Variants in FRMD4A observed in about 807,000 individuals in gnomAD.
The protein encoded by FRMD4A is FERM domain-containing protein 4A.
Under a neutral mutation model 129.1 loss-of-function variants are expected in FRMD4A, and 29 were observed. That is an observed-to-expected ratio of 0.22 (90% CI 0.17 to 0.31). FRMD4A has a LOEUF of 0.31. Ranked by LOEUF, FRMD4A falls within the 10% of genes least tolerant of loss-of-function variation. FRMD4A has a pLI of 1.00. For missense variants in FRMD4A, 1,272 were observed against 1,375.8 expected, an observed-to-expected ratio of 0.92 and a Z score of 1.19; for synonymous variants, 634 against 571.6, an observed-to-expected ratio of 1.11 and a Z score of -1.56.
intron 3 of FRMD4A, among the ~76,000 whole-genome samples, chr10:13,853,251 G>A (rs2094163673): frequency 1.3e-5 from 2 of 152,186 alleles, no homozygotes; most frequent in African/African-American, 4.8e-5. Context: ...AAGGGAAGAA[G>A]GGCCGGGCGT....
intron 2 of FRMD4A, among the ~76,000 whole-genome samples, chr10:14,022,110 A>G (rs1195687027): frequency 1.3e-5 from 2 of 152,198 alleles, no homozygotes; most frequent in Non-Finnish European, 2.9e-5. Context: ...TGCCTTTTGG[A>G]TCTCAGGATC....
At chr10:14,177,020 T>C (rs1841753282) in intron 2 of FRMD4A, among the ~76,000 whole-genome samples, 1 of 152,194 alleles carries the variant, frequency 6.6e-6, no homozygotes, top group Admixed American at 6.5e-5. Context: ...CTTCAATAAC[T>C]AGAATAAGCT....
chr10:14,095,453 C>T (rs114855922), intron 2 of FRMD4A, among the ~76,000 whole-genome samples: 95 of 152,234 alleles, frequency 6.2e-4, no homozygotes, highest in African/African-American at 2.1e-3. Flanking sequence ...TTACAGTTGT[C>T]GATTGAATTG....
At chr10:14,236,372 T>C (rs76199312) in intron 2 of FRMD4A, among the ~76,000 whole-genome samples, 9,249 of 152,160 alleles carry the variant, frequency 0.061, 347 homozygotes, top group Non-Finnish European at 0.083. Context: ...GAAGAACTCA[T>C]TGAACTGGGA....
At position 13,982,501 on chromosome 10, in the gene FRMD4A, G is replaced by GA. The variant is rs1220309154; in HGVS notation, c.46-123590_46-123589insT. ...GAGGGGAGGGGAGGGGAGGGGAGGG[G>GA]GGGGAAGGGATCCTCTGACCTACCT... On this transcript the variant is annotated intron_variant, in intron 2 of 24. Coordinates refer to ENST00000357447, the MANE Select transcript of FRMD4A (RefSeq NM_018027.5). Among the ~76,000 whole-genome samples the GA allele has an allele frequency of 1.2e-3, 149 of 120,464 alleles. 7 individuals carry two copies. Among genetic ancestry groups the GA allele is most frequent in the African/African-American group, 4.5e-3 (125 of 27,700 alleles). The allele number at this position is 120,464 out of a possible 152,430, so 79.0% of individuals were successfully genotyped here. A position where few individuals can be genotyped will look rare whatever the true frequency, so the allele number is the denominator to read the frequency against.
chr10:14,185,482 T>G (rs538214953), intron 2 of FRMD4A, among the ~76,000 whole-genome samples: 141 of 152,336 alleles, frequency 9.3e-4, no homozygotes, highest in African/African-American at 3.3e-3. Flanking sequence ...TTACAACATT[T>G]TGTAATTTTT....
At chr10:14,067,969 A>C (rs1198617514) in intron 2 of FRMD4A, among the ~76,000 whole-genome samples, 1 of 152,248 alleles carries the variant, frequency 6.6e-6, no homozygotes, top group Non-Finnish European at 1.5e-5. Flanking sequence ...GCATAGTAAG[A>C]CAACTAGCAC....
chr10:13,943,646 C>CAAAAAAAAAAAAAAAAAAAAA (rs55774636), intron 2 of FRMD4A, among the ~76,000 whole-genome samples: 10 of 58,264 alleles, frequency 1.7e-4, no homozygotes, highest in South Asian at 1.1e-3. Context: ...GACTCTGTCT[C>CAAAAAAAAAAAAAAAAAAAAA]AAAAAAAAAA....
chr10:14,220,368 C>T (rs556821763), intron 2 of FRMD4A, among the ~76,000 whole-genome samples: 17 of 152,098 alleles, frequency 1.1e-4, no homozygotes, highest in African/African-American at 1.9e-4. Flanking sequence ...TAAAATTGGC[C>T]GTCAACATAA....
intron 2 of FRMD4A, among the ~76,000 whole-genome samples, chr10:14,245,035 T>C (rs1844183264): frequency 6.6e-6 from 1 of 152,238 alleles, no homozygotes; most frequent in Non-Finnish European, 1.5e-5. Context: ...TTACATCCCT[T>C]GAATATGGAA....
chr10:13,707,889 G>A, intron 12 of FRMD4A: 8 of 985,248 alleles, frequency 8.1e-6, no homozygotes, highest in Non-Finnish European at 9.6e-6. Flanking sequence ...CAGTGAGCTC[G>A]TTAACTGAGA....
chr10:14,180,602 C>T (rs946149006), intron 2 of FRMD4A, among the ~76,000 whole-genome samples: 1 of 152,190 alleles, frequency 6.6e-6, no homozygotes, highest in Non-Finnish European at 1.5e-5. Flanking sequence ...CTACAGTCTT[C>T]TGAAAAACCA....
At chr10:14,283,967 AC>A (rs1161095901) in intron 2 of FRMD4A, among the ~76,000 whole-genome samples, 4 of 151,816 alleles carry the variant, frequency 2.6e-5, no homozygotes, top group South Asian at 4.2e-4. Flanking sequence ...GGAAATCGAT[AC>A]TTGAAGAGGT....
intron 2 of FRMD4A, among the ~76,000 whole-genome samples, chr10:13,936,866 G>A (rs904148644): frequency 6.6e-6 from 1 of 152,140 alleles, no homozygotes; most frequent in African/African-American, 2.4e-5. Context: ...TCCTCATTTT[G>A]TTACACTTTC....
At chr10:14,116,550 G>C (rs1268673193) in intron 2 of FRMD4A, among the ~76,000 whole-genome samples, 2 of 152,150 alleles carry the variant, frequency 1.3e-5, no homozygotes, top group African/African-American at 4.8e-5. Context: ...CAGCTGAGAT[G>C]GCCATAGGGG....
At chr10:13,752,733 C>T (rs4130144) in intron 8 of FRMD4A, among the ~76,000 whole-genome samples, 5,625 of 152,218 alleles carry the variant, frequency 0.037, 155 homozygotes, top group Middle Eastern at 0.054. Context: ...TTCTCAGGGG[C>T]GGGATATTTC....
chr10:13,978,161 T>A (rs567188549), intron 2 of FRMD4A, among the ~76,000 whole-genome samples: 1 of 152,360 alleles, frequency 6.6e-6, no homozygotes, highest in East Asian at 1.9e-4. Flanking sequence ...ATCTTGTTTC[T>A]GATTACAGCC....
At chr10:14,269,565 C>T (rs186634552) in intron 2 of FRMD4A, among the ~76,000 whole-genome samples, 6 of 152,252 alleles carry the variant, frequency 3.9e-5, no homozygotes, top group African/African-American at 1.4e-4. Context: ...ACTCCATTAT[C>T]GCATCTCTTT....
At chr10:13,987,742 T>C (rs11258775) in intron 2 of FRMD4A, among the ~76,000 whole-genome samples, 52,116 of 152,052 alleles carry the variant, frequency 0.34, 9,634 homozygotes, top group East Asian at 0.72. Flanking sequence ...TTTAACTCGA[T>C]GCACAAAGAA....
Sources: gnomAD v4.1 joint callset for allele counts (sites outside exome capture counted in the v4.1 genomes callset) on GRCh38, gnomAD v4.1.1 for gene constraint, MANE v1.5 for transcripts, NCBI Gene and HGNC (gene_info 2026-07-23, HGNC 2026-07-21) for gene names.